The following GPM6A variants were observed in gnomAD, a reference collection of about 807,000 sequenced individuals.
GPM6A encodes the protein neuronal membrane glycoprotein M6-a.
Under a neutral mutation model 32.1 loss-of-function variants are expected in GPM6A, and 7 were observed. The ratio of observed to expected loss-of-function variants is 0.22; its 90% CI spans 0.12 to 0.41. The LOEUF is 0.41. Among genes scored for constraint, GPM6A ranks in the 10% least tolerant of loss-of-function variants. GPM6A has a pLI of 1.00. For missense variants in GPM6A, 235 were observed against 347.2 expected, an observed-to-expected ratio of 0.68 and a Z score of 2.57; for synonymous variants, 130 against 123.4, an observed-to-expected ratio of 1.05 and a Z score of -0.35.
chr4:175,902,682 A>G (rs1278959498), intron 1 of GPM6A, among the ~76,000 whole-genome samples: 1 of 152,034 alleles, frequency 6.6e-6, no homozygotes, highest in African/African-American at 2.4e-5. Context: ...CGCCTCCTCA[A>G]GCTCATCTAT....
chr4:175,735,563 C>CTT (rs754424931), intron 1 of GPM6A, among the ~76,000 whole-genome samples: 3 of 143,652 alleles, frequency 2.1e-5, no homozygotes, highest in Admixed American at 7.0e-5. Context: ...ATTTATGAAT[C>CTT]TTTTTTTTTT....
chr4:175,936,710 T>C (rs898868811), intron 1 of GPM6A, among the ~76,000 whole-genome samples: 14 of 151,642 alleles, frequency 9.2e-5, no homozygotes, highest in Admixed American at 5.3e-4. Flanking sequence ...AAAAAACCCA[T>C]AAAAACGTAA....
intron 3 of GPM6A, among the ~76,000 whole-genome samples, chr4:175,654,592 T>G (rs1741976068): frequency 6.6e-6 from 1 of 152,176 alleles, no homozygotes; most frequent in South Asian, 2.1e-4. Flanking sequence ...TTTCATTTCA[T>G]GTTTGGATAA....
chr4:175,835,756 T>C (rs990270788), intron 1 of GPM6A, among the ~76,000 whole-genome samples: 1 of 147,380 alleles, frequency 6.8e-6, no homozygotes, highest in Non-Finnish European at 1.5e-5. Flanking sequence ...TTTCAAATAA[T>C]TATATTTACT....
At chr4:175,705,329 C>T (rs995998322) in intron 1 of GPM6A, among the ~76,000 whole-genome samples, 1 of 152,184 alleles carries the variant, frequency 6.6e-6, no homozygotes, top group Non-Finnish European at 1.5e-5. Flanking sequence ...TAAACTTGCA[C>T]TACTGTGAAG....
At chr4:175,740,848 A>G (rs955591444) in intron 1 of GPM6A, among the ~76,000 whole-genome samples, 1 of 152,050 alleles carries the variant, frequency 6.6e-6, no homozygotes, top group African/African-American at 2.4e-5. Flanking sequence ...GATGAAAGGC[A>G]TTTTTAAGGC....
intron 1 of GPM6A, among the ~76,000 whole-genome samples, chr4:175,762,708 C>T (rs1400452281): frequency 6.6e-6 from 1 of 152,122 alleles, no homozygotes; most frequent in Non-Finnish European, 1.5e-5. Context: ...ATATGCGCAT[C>T]TGTGCAATTG....
intron 1 of GPM6A, among the ~76,000 whole-genome samples, chr4:175,855,211 G>A (rs1037595383): frequency 4.6e-5 from 7 of 152,048 alleles, no homozygotes; most frequent in African/African-American, 1.7e-4. Flanking sequence ...CTCTCAAAAA[G>A]AAAGAAAATA....
At chr4:175,967,676 A>G (rs937479436) in intron 1 of GPM6A, among the ~76,000 whole-genome samples, 4 of 152,216 alleles carry the variant, frequency 2.6e-5, no homozygotes, top group African/African-American at 7.2e-5. Context: ...TTACATTACC[A>G]TTAGAGAAAT....
intron 1 of GPM6A, among the ~76,000 whole-genome samples, chr4:175,854,289 A>C (rs1320718269): frequency 6.6e-6 from 1 of 152,204 alleles, no homozygotes; most frequent in East Asian, 1.9e-4. Flanking sequence ...CAGAAATTAC[A>C]TGAAGGCTCG....
intron 1 of GPM6A, among the ~76,000 whole-genome samples, chr4:175,910,991 AT>A (rs1171170062): frequency 6.6e-6 from 1 of 152,122 alleles, no homozygotes; most frequent in Non-Finnish European, 1.5e-5. Context: ...AATAACATGT[AT>A]TATGACCCTT....
At chr4:175,761,578 A>C (rs1007360811) in intron 1 of GPM6A, among the ~76,000 whole-genome samples, 2 of 152,184 alleles carry the variant, frequency 1.3e-5, no homozygotes, top group Non-Finnish European at 2.9e-5. Context: ...TAAATAGTTA[A>C]GTAACAGATT....
At chr4:175,775,548 G>A (rs1034672945) in intron 1 of GPM6A, among the ~76,000 whole-genome samples, 2 of 151,994 alleles carry the variant, frequency 1.3e-5, no homozygotes, top group African/African-American at 4.8e-5. Flanking sequence ...TCCACTATTA[G>A]TTATTTTGCA....
intron 1 of GPM6A, among the ~76,000 whole-genome samples, chr4:175,917,395 G>T (rs1303027774): frequency 6.6e-6 from 1 of 152,122 alleles, no homozygotes; most frequent in Non-Finnish European, 1.5e-5. Context: ...AGATGCTGCT[G>T]CTGATTTAAT....
intron 1 of GPM6A, among the ~76,000 whole-genome samples, chr4:175,742,010 T>C (rs1474042248): frequency 6.6e-6 from 1 of 152,098 alleles, no homozygotes; most frequent in African/African-American, 2.4e-5. Flanking sequence ...TAACTAAAAT[T>C]AAATGTGTTT....
intron 1 of GPM6A, among the ~76,000 whole-genome samples, chr4:175,852,869 T>C (rs1446220370): frequency 6.6e-6 from 1 of 152,168 alleles, no homozygotes; most frequent in Non-Finnish European, 1.5e-5. Flanking sequence ...CAGCAATATG[T>C]AAATCAGAAA....
intron 2 of GPM6A, among the ~76,000 whole-genome samples, chr4:175,697,574 A>C (rs1744650662): frequency 6.6e-6 from 1 of 152,206 alleles, no homozygotes; most frequent in Non-Finnish European, 1.5e-5. Flanking sequence ...GTTTGGAACT[A>C]ACAAATGACC....
chr4:175,731,457 A>C (rs564186964), intron 1 of GPM6A, among the ~76,000 whole-genome samples: 4 of 151,868 alleles, frequency 2.6e-5, no homozygotes, highest in Admixed American at 1.3e-4. Flanking sequence ...GACCTCAATC[A>C]TGTCTTTGAT....
At chr4:175,949,877 A>T (rs1445765015) in intron 1 of GPM6A, among the ~76,000 whole-genome samples, 7 of 152,244 alleles carry the variant, frequency 4.6e-5, no homozygotes, top group Non-Finnish European at 2.9e-5. Context: ...ATGACAATTC[A>T]TGAAACCAAA....
Sources: gnomAD v4.1 joint callset for allele counts (sites outside exome capture counted in the v4.1 genomes callset) on GRCh38, gnomAD v4.1.1 for gene constraint, MANE v1.5 for transcripts, NCBI Gene and HGNC (gene_info 2026-07-23, HGNC 2026-07-21) for gene names.